CPZ: variants seen among roughly 807,000 people sequenced by gnomAD.
CPZ encodes VEZT/CPZ fusion.
In CPZ, 103 loss-of-function variants were observed where a neutral mutation model predicts 61.8. The observed-to-expected ratio is 1.67, with a 90% CI of 1.42 to 1.96. The LOEUF (loss-of-function observed/expected upper bound fraction) is 1.96, where lower values mean the gene tolerates loss of function less well. Among genes scored for constraint, CPZ ranks in the 30% most tolerant of loss-of-function variants. The pLI is 0.00. For synonymous variants in CPZ, 551 were observed against 373.7 expected (o/e 1.47, Z -5.47); for missense variants, 1,461 against 914.9 (o/e 1.60, Z -7.70).
chr4:8,601,899 T>C (rs4696858), intron 3 of CPZ: 170,361 of 172,448 alleles, frequency 0.99, 84,185 homozygotes, highest in East Asian at 1. Context: ...TCCAGAACCA[T>C]AGTGCTTACC....
chr4:8,605,785 T>G (rs1714943938), intron 4 of CPZ, among the ~76,000 whole-genome samples: 1 of 152,250 alleles, frequency 6.6e-6, no homozygotes, highest in African/African-American at 2.4e-5. Flanking sequence ...TTATGCTAAC[T>G]AAGAATTCTG....
chr4:8,599,600 C>T (rs1420126626), intron 2 of CPZ, 115 bp downstream of exon 2: 2 of 1,531,704 alleles, frequency 1.3e-6, no homozygotes, highest in East Asian at 4.9e-5. Context: ...ATGGATAACA[C>T]AGCCCATTAA....
intron 7 of CPZ, among the ~76,000 whole-genome samples, chr4:8,610,681 C>G (rs1364273580): frequency 6.6e-6 from 1 of 152,196 alleles, no homozygotes; most frequent in Admixed American, 6.5e-5. Flanking sequence ...TCCGCTGAGG[C>G]TTCCTGCTAT....
In CPZ at chr4:8,610,636, C is replaced by A. The variant is rs576110959; in HGVS notation, c.1228-1391C>A. Among the ~76,000 whole-genome samples, 10 of 152,288 alleles carry A rather than the reference C, an allele frequency of 6.6e-5. No homozygotes were observed. The East Asian group carries it at 1.7e-3, about 26-fold the overall frequency. ...GCAGATGTGGCCTGGGCAGATGGAC[C>A]GTTTGTTGGATGTGATTCATTCTTG... is the stretch of plus-strand genomic sequence containing the variant. On this transcript the variant is annotated intron_variant, in intron 7 of 10. Coordinates refer to ENST00000360986, the MANE Select transcript of CPZ (RefSeq NM_001014447.3).
intron 7 of CPZ, chr4:8,611,308 A>G (rs41266537): frequency 1.3e-5 from 6 of 455,794 alleles, no homozygotes; most frequent in Admixed American, 9.4e-5. Flanking sequence ...AGCCCCCACA[A>G]AGGAGGATCT....
rs569028610 is a variant in CPZ at position 8,599,667 on chromosome 4, A to G, written c.121+182A>G. The stretch of plus-strand genomic sequence containing the variant: ...GAAAAATTAGACATAACAAAAAAAG[A>G]CCAGCTAGGAAAAGGTGCACCAGCT... On this transcript the variant is annotated intron_variant, in intron 2 of 10. Coordinates refer to ENST00000360986, the MANE Select transcript of CPZ (RefSeq NM_001014447.3). 2.2e-4 allele frequency: 319 copies of G among 1,426,928 alleles called. 1 individual carries two copies. Among genetic ancestry groups the G allele is most frequent in the East Asian group, 9.1e-4 (35 of 38,324 alleles). 88.4% of individuals were successfully genotyped at this position (1,426,928 alleles called of 1,614,324 possible).
rs984998667 is a variant in CPZ at position 8,600,979 on chromosome 4, T to C, written c.122-144T>C. On this transcript the variant is annotated intron_variant, in intron 2 of 10. Coordinates refer to ENST00000360986, the MANE Select transcript of CPZ (RefSeq NM_001014447.3). ...CAGGCTCTGATTCCTGCACAGTAGC[T>C]GTTGTCCTGGTCCTCCCCTGCCAGA... 3 of 1,411,504 alleles carry C rather than the reference T, an allele frequency of 2.1e-6. No individual in the cohort carries two copies. In the Admixed American group the frequency reaches 9.0e-5, roughly 43 times the overall value. 87.4% of individuals were successfully genotyped at this position (1,411,504 alleles called of 1,614,324 possible).
chr4:8,601,832 A>G, intron 3 of CPZ: 1 of 232,022 alleles, frequency 4.3e-6, no homozygotes. Context: ...CGTGTGGGGG[A>G]GCCTGGGCTC....
Position 8,614,462 on chromosome 4 carries a change from G to A in CPZ, c.1467G>A (p.Gln489=). 6.2e-6 allele frequency: 10 copies of A among 1,613,962 alleles called. No individual in the cohort carries two copies. Among genetic ancestry groups the A allele is most frequent in the Non-Finnish European group, 8.5e-6 (10 of 1,179,936 alleles). The part of the protein sequence containing the change: ...PPEEALYILW[Q]HNKESLLNFV... ...AGGAGGCCCTGTACATACTCTGGCA[G>A]CACAACAAGGAGTCACTCCTGAATT... Residue 489 remains glutamine, a synonymous_variant, in exon 9 of 11, where the codon CAG becomes CAA. Transcript: ENST00000360986.
At chr4:8,614,241 TCTCTGCGCGGCTGA>T (rs1715963701) in intron 8 of CPZ, 104 bp from the exon 9 acceptor site, 1 of 1,404,186 alleles carries the variant, frequency 7.1e-7, no homozygotes, top group African/African-American at 1.4e-5. Flanking sequence ...GTCCCGGCTG[TCTCTGCGCGGCTGA>T]CACCCCGGCG....
chr4:8,615,256 A>G (rs1217764573), intron 9 of CPZ, among the ~76,000 whole-genome samples: 1 of 152,036 alleles, frequency 6.6e-6, no homozygotes, highest in Non-Finnish European at 1.5e-5. Flanking sequence ...TCGCTGCCCC[A>G]GAGAGCCAAG....
intron 1 of CPZ, 24 bp downstream of exon 1, chr4:8,592,945 C>T (rs533934457): frequency 3.5e-5 from 51 of 1,476,922 alleles, no homozygotes; most frequent in Non-Finnish European, 4.3e-5. Context: ...CTGCCCCCAC[C>T]CTCCACCCTC....
intron 3 of CPZ, chr4:8,602,451 CT>C (rs1297404634): frequency 6.6e-6 from 1 of 152,304 alleles, no homozygotes; most frequent in African/African-American, 2.4e-5. Context: ...CTGAACCTGT[CT>C]TTGAAGAGCC....
At chr4:8,614,545 G>C in intron 9 of CPZ, 47 bp downstream of exon 9, 1 of 1,594,292 alleles carries the variant, frequency 6.3e-7, no homozygotes, top group Non-Finnish European at 8.5e-7. Flanking sequence ...TGGCCTGGGT[G>C]GGGTGGGTCA....
chr4:8,610,852 C>T (rs1428557116), intron 7 of CPZ, among the ~76,000 whole-genome samples: 1 of 152,156 alleles, frequency 6.6e-6, no homozygotes, highest in East Asian at 1.9e-4. Flanking sequence ...GTCCAGATGG[C>T]ACAGCCTCAC....
chr4:8,605,322 T>TCATCTATCCATCCATCCATC (rs1553876717), intron 4 of CPZ, among the ~76,000 whole-genome samples: 2 of 150,094 alleles, frequency 1.3e-5, no homozygotes, highest in East Asian at 4.0e-4. Flanking sequence ...ATTCATTTAT[T>TCATCTATCCATCCATCCATC]CATCCATCCA....
chr4:8,618,540 C>T lies in CPZ; in HGVS notation c.1603+12C>T, dbSNP rs866841952. 9 of 1,611,126 alleles carry T rather than the reference C, an allele frequency of 5.6e-6. No individual in the cohort carries two copies. The highest frequency in any genetic ancestry group is 2.7e-5 in the African/African-American group (2 of 74,828). ...CGACATCACCACAGGTGAGCACGTC[C>T]CTGGCTGTCCCCTGGGGACCACGTC... is the stretch of plus-strand genomic sequence containing the variant. On this transcript the variant is annotated intron_variant, in intron 10 of 10. Transcript: ENST00000360986.
At chr4:8,607,459 A>G (rs922725553) in intron 7 of CPZ, 34 bp downstream of exon 7, 1 of 1,607,832 alleles carries the variant, frequency 6.2e-7, no homozygotes, top group Non-Finnish European at 8.5e-7. Context: ...CAGGGGAGGG[A>G]GACAGTGTGC....
chr4:8,615,868 G>A (rs1051338082), intron 9 of CPZ, among the ~76,000 whole-genome samples: 1 of 152,232 alleles, frequency 6.6e-6, no homozygotes, highest in Non-Finnish European at 1.5e-5. Flanking sequence ...AGATAGGAAA[G>A]AAACAAAGCC....
Sources: gnomAD v4.1 joint callset for allele counts (sites outside exome capture counted in the v4.1 genomes callset) on GRCh38, gnomAD v4.1.1 for gene constraint, MANE v1.5 for transcripts, NCBI Gene and HGNC (gene_info 2026-07-23, HGNC 2026-07-21) for gene names.